The following CRYL1 variants were observed in gnomAD, a reference collection of about 807,000 sequenced individuals.
The protein encoded by CRYL1 is crystallin lambda 1.
CRYL1 carries 29 observed loss-of-function variants against 36.6 expected under a neutral mutation model. The observed-to-expected ratio is 0.79, with a 90% CI of 0.59 to 1.08. The LOEUF (loss-of-function observed/expected upper bound fraction) is 1.08. Ranked by LOEUF, CRYL1 falls within the 50% of genes least tolerant of loss-of-function variation. The pLI is 0.00. For missense variants in CRYL1, 411 were observed against 407.9 expected (o/e 1.01, Z -0.06); for synonymous variants, 152 against 151.5 (o/e 1.00, Z -0.02).
chr13:20,414,322 TA>T, intron 5 of CRYL1, among the ~76,000 whole-genome samples: 1 of 152,144 alleles, frequency 6.6e-6, no homozygotes, highest in South Asian at 2.1e-4. Flanking sequence ...TGCAATCTAC[TA>T]GGGGTTGAAA....
intron 3 of CRYL1, among the ~76,000 whole-genome samples, chr13:20,452,354 C>T (rs9509219): frequency 0.39 from 59,823 of 151,764 alleles, 12,149 homozygotes; most frequent in South Asian, 0.54. Flanking sequence ...AAAAATATTC[C>T]TTGCAAACAC....
At position 20,403,912 on chromosome 13, in the gene CRYL1, C is replaced by T. The variant is rs187313501; in HGVS notation, c.*217G>A. The stretch of plus-strand genomic sequence containing the variant: ...CCAGGTGGCAGGAAATCGACAGCCC[C>T]GAGAACGCAAGTGCTGCTGTGCCGC... On this transcript the variant is annotated 3_prime_UTR_variant, in exon 8 of 8. Transcript: ENST00000298248. 2.0e-5 allele frequency: 8 copies of T among 392,634 alleles called. No homozygotes were observed. Among genetic ancestry groups the T allele is most frequent in the East Asian group, 4.0e-5 (1 of 24,794 alleles). 24.3% of individuals were successfully genotyped at this position (392,634 alleles called of 1,614,324 possible).
chr13:20,404,866 G>A lies in CRYL1; in HGVS notation c.740-125C>T. 4 of 692,048 alleles carry A rather than the reference G, an allele frequency of 5.8e-6. No homozygotes were observed. In the South Asian group the frequency reaches 6.8e-5, roughly 12 times the overall value. The allele number at this position is 692,048 out of a possible 1,614,324, so 42.9% of individuals were successfully genotyped here. On this transcript the variant is annotated intron_variant, in intron 6 of 7. Coordinates refer to ENST00000298248, the MANE Select transcript of CRYL1 (RefSeq NM_015974.3). ...AGATAAGCTACACTCTTCCCTCCCT[G>A]TGAAGACAAGACAGAGCTGGGGCAT...
chr13:20,493,750 C>G (rs1486217921), intron 2 of CRYL1, among the ~76,000 whole-genome samples: 1 of 152,162 alleles, frequency 6.6e-6, no homozygotes, highest in Non-Finnish European at 1.5e-5. Flanking sequence ...GAAGGAGCAA[C>G]AGAAACACAG....
At chr13:20,519,114 TG>T (rs2034051474) in intron 1 of CRYL1, among the ~76,000 whole-genome samples, 1 of 152,132 alleles carries the variant, frequency 6.6e-6, no homozygotes, top group Non-Finnish European at 1.5e-5. Context: ...TAAAAGTGTG[TG>T]ACTGGGTGAG....
chr13:20,420,700 G>GTGTTTTTTTTTTTTTTT lies in CRYL1; in HGVS notation c.634-7314_634-7313insAAAAAAAAAAAAAAACA, dbSNP rs1555226401. Among the ~76,000 whole-genome samples, 2 of 36,430 alleles carry GTGTTTTTTTTTTTTTTT rather than the reference G, an allele frequency of 5.5e-5. 1 individual carries two copies. Among genetic ancestry groups the GTGTTTTTTTTTTTTTTT allele is most frequent in the Non-Finnish European group, 1.4e-4 (2 of 13,970 alleles). 23.9% of individuals were successfully genotyped at this position (36,430 alleles called of 152,430 possible). On this transcript the variant is annotated intron_variant, in intron 5 of 7. Coordinates refer to ENST00000298248, the MANE Select transcript of CRYL1 (RefSeq NM_015974.3). ...CCTTTGACTTTTCTTTAAAATAGAGGTTGTGTGTGTGTGTGTGTGTGTGTG... is the reference window on the plus strand; with the variant it reads ...CCTTTGACTTTTCTTTAAAATAGAGGTGTTTTTTTTTTTTTTTTTGTGTGTGTGTGTGTGTGTGTGTG...
intron 3 of CRYL1, among the ~76,000 whole-genome samples, chr13:20,468,209 AT>A (rs1428416183): frequency 2.6e-5 from 4 of 152,250 alleles, no homozygotes; most frequent in East Asian, 1.9e-4. Flanking sequence ...ACCATTTGAA[AT>A]TTTTTTAAGG....
chr13:20,500,552 T>C (rs145814224), intron 2 of CRYL1, among the ~76,000 whole-genome samples: 232 of 152,330 alleles, frequency 1.5e-3, no homozygotes, highest in African/African-American at 4.8e-3. Flanking sequence ...AGGCCAAGTA[T>C]ATGGGACTGA....
chr13:20,510,942 T>C (rs1294642765), intron 2 of CRYL1, among the ~76,000 whole-genome samples: 2 of 152,186 alleles, frequency 1.3e-5, no homozygotes, highest in Non-Finnish European at 2.9e-5. Flanking sequence ...TTATCCACTA[T>C]GTATCCCTAG....
intron 3 of CRYL1, among the ~76,000 whole-genome samples, chr13:20,459,550 C>T (rs2032765297): frequency 6.6e-6 from 1 of 152,150 alleles, no homozygotes; most frequent in Admixed American, 6.5e-5. Flanking sequence ...TCCTTTATAG[C>T]AATATGGATG....
chr13:20,508,290 CAGA>C (rs1356698097), intron 2 of CRYL1, among the ~76,000 whole-genome samples: 1 of 152,098 alleles, frequency 6.6e-6, no homozygotes, highest in African/African-American at 2.4e-5. Flanking sequence ...CCCTCAAGGA[CAGA>C]AGGAGAAGCA....
At chr13:20,523,180 G>T (rs983349898) in intron 1 of CRYL1, among the ~76,000 whole-genome samples, 1 of 151,978 alleles carries the variant, frequency 6.6e-6, no homozygotes, top group Non-Finnish European at 1.5e-5. Flanking sequence ...GCCTCCCAAA[G>T]TGCTGAGATT....
chr13:20,432,371 T>C, intron 4 of CRYL1, 75 bp from the exon 5 acceptor site: 1 of 1,075,660 alleles, frequency 9.3e-7, no homozygotes, highest in East Asian at 2.4e-5. Context: ...CCCTGAATGG[T>C]CAGGAGCAGC....
At chr13:20,444,106 G>T (rs535046244) in intron 3 of CRYL1, among the ~76,000 whole-genome samples, 1 of 152,202 alleles carries the variant, frequency 6.6e-6, no homozygotes, top group African/African-American at 2.4e-5. Context: ...TTAGGAGGTG[G>T]ACACCATAAT....
Position 20,445,437 on chromosome 13 carries a change from C to T in CRYL1, c.277-5683G>A, listed in dbSNP as rs943674814. On this transcript the variant is annotated intron_variant, in intron 3 of 7. Coordinates refer to ENST00000298248, the MANE Select transcript of CRYL1 (RefSeq NM_015974.3). ...ACCAGGAATAATAGTAACAACAGAC[C>T]AGTCTTCACAAGGACTGAAACTTGG... Among the ~76,000 whole-genome samples, 3 of 152,124 alleles carry T rather than the reference C, an allele frequency of 2.0e-5. No individual in the cohort carries two copies. The South Asian group carries it at 6.2e-4, about 32-fold the overall frequency.
intron 5 of CRYL1, among the ~76,000 whole-genome samples, chr13:20,423,164 G>C (rs2031858694): frequency 6.6e-6 from 1 of 152,146 alleles, no homozygotes; most frequent in Non-Finnish European, 1.5e-5. Context: ...TTATTTATCA[G>C]TTCCAACAGA....
chr13:20,404,641 A>G lies in CRYL1; in HGVS notation c.840T>C (p.Val280=). The change falls in exon 7 of 8, where the codon GTT becomes GTC. Residue 280 remains valine (V), a synonymous_variant. Coordinates refer to ENST00000298248, the MANE Select transcript of CRYL1 (RefSeq NM_015974.3). ...TTGCAGAGAAGTTACATACCTGGTT[A>G]ACCTTCTCAGCAGTGGCCCTGGAAA... The part of the protein sequence containing the change: ...PEFSRATAEK[V]NQDMCMKVPD... The G allele has an allele frequency of 3.1e-6, 5 of 1,606,466 alleles. No individual in the cohort carries two copies. Among genetic ancestry groups the G allele is most frequent in the Non-Finnish European group, 4.3e-6 (5 of 1,173,098 alleles).
At chr13:20,507,571 C>T (rs1386814284) in intron 2 of CRYL1, among the ~76,000 whole-genome samples, 15 of 152,180 alleles carry the variant, frequency 9.9e-5, no homozygotes, top group Admixed American at 9.8e-4. Flanking sequence ...AAGCTAATGT[C>T]TCTCAGCTCC....
At chr13:20,494,538 C>T (rs1453372237) in intron 2 of CRYL1, among the ~76,000 whole-genome samples, 1 of 152,184 alleles carries the variant, frequency 6.6e-6, no homozygotes, top group African/African-American at 2.4e-5. Flanking sequence ...TAGTGAGTAA[C>T]CATTGCATCC....
Sources: allele counts gnomAD v4.1 joint callset (sites outside exome capture counted in the v4.1 genomes callset), GRCh38; gene constraint gnomAD v4.1.1; transcripts MANE v1.5; gene names NCBI Gene and HGNC (gene_info 2026-07-23, HGNC 2026-07-21).